Variants in DHRS12 observed in about 807,000 individuals in gnomAD.
DHRS12 encodes dehydrogenase/reductase SDR family member 12.
Under a neutral mutation model 32.1 loss-of-function variants are expected in DHRS12, and 29 were observed. The ratio of observed to expected loss-of-function variants is 0.90; its 90% CI spans 0.67 to 1.23. The LOEUF is 1.23. DHRS12 is among the 50% of genes most tolerant of loss of function. The pLI, the probability that DHRS12 is intolerant of heterozygous loss-of-function variation, is 0.00. For synonymous variants in DHRS12, 150 were observed against 135.9 expected (o/e 1.10, Z -0.72); for missense variants, 330 against 337.2 (o/e 0.98, Z 0.17).
chr13:51,800,792 G>C (rs2139440585), intron 1 of DHRS12, among the ~76,000 whole-genome samples: 1 of 152,352 alleles, frequency 6.6e-6, no homozygotes, highest in African/African-American at 2.4e-5. Context: ...ACTTGTTTCA[G>C]TCAAGCCAGA....
chr13:51,787,985 C>T (rs1005162968), intron 4 of DHRS12, among the ~76,000 whole-genome samples: 3 of 144,982 alleles, frequency 2.1e-5, no homozygotes. Context: ...ACTCGTGGCC[C>T]GGCCGCAGCG....
intron 4 of DHRS12, among the ~76,000 whole-genome samples, chr13:51,784,887 C>T (rs1954880871): frequency 6.6e-6 from 1 of 152,160 alleles, no homozygotes; most frequent in South Asian, 2.1e-4. Flanking sequence ...TTTCTCAATC[C>T]CCATAACTGG....
chr13:51,774,482 A>AT (rs5803575), intron 5 of DHRS12: 26 of 68,330 alleles, frequency 3.8e-4, no homozygotes, highest in Admixed American at 6.9e-4. Context: ...ATTCTCCTAC[A>AT]GTATTCTCCT....
At chr13:51,777,250 G>T in intron 4 of DHRS12, 129 bp from the exon 5 acceptor site, 1 of 907,778 alleles carries the variant, frequency 1.1e-6, no homozygotes. Flanking sequence ...CACCTGAGGG[G>T]CAGTCCCTCC....
intron 4 of DHRS12, among the ~76,000 whole-genome samples, chr13:51,777,852 T>C (rs1281019274): frequency 6.6e-6 from 1 of 152,254 alleles, no homozygotes; most frequent in East Asian, 1.9e-4. Flanking sequence ...ATTCTTCTTA[T>C]ACATGCCTGT....
At chr13:51,777,659 G>A (rs897247338) in intron 4 of DHRS12, among the ~76,000 whole-genome samples, 1 of 152,208 alleles carries the variant, frequency 6.6e-6, no homozygotes, top group Non-Finnish European at 1.5e-5. Context: ...TGAAGTGTAT[G>A]TGACATGGAA....
chr13:51,791,226 TC>T lies in DHRS12; in HGVS notation c.157del (p.Asp53IlefsTer21). On this transcript the variant is annotated frameshift_variant, in exon 3 of 9. Transcript: ENST00000444610. LOFTEE classifies it high-confidence loss of function. ...AACAAATTTCCAGATTTGCTTGGGA[TC>T]AGACAAGTCCACAATGTGCAGAAAA... The part of the protein sequence containing the change: ...NIFLHIVDLS[D>X]PKQIWKFVEN... 6.4e-7 allele frequency: 1 copy of T among 1,567,252 alleles called. No homozygotes were observed. The highest frequency in any genetic ancestry group is 1.2e-5 in the South Asian group (1 of 84,426).
chr13:51,772,010 G>A (rs1043073789), intron 6 of DHRS12, 99 bp from the exon 7 acceptor site: 86 of 1,134,126 alleles, frequency 7.6e-5, no homozygotes, highest in Non-Finnish European at 1.0e-4. Context: ...ATCTTACACT[G>A]GACTCTGCAG....
At chr13:51,758,298 A>G in the DHRS12 span, 1 of 1,585,468 alleles carries the variant, frequency 6.3e-7, no homozygotes. Flanking sequence ...CAAGGTTATT[A>G]AGGTAAGATG....
At chr13:51,766,266 T>TACTA (rs1203703823), downstream of DHRS12, 1 of 152,220 alleles carries the variant, frequency 6.6e-6, no homozygotes, top group African/African-American at 2.4e-5. Context: ...CAAAAACCGT[T>TACTA]ACTAACTGGA....
intron 2 of DHRS12, among the ~76,000 whole-genome samples, chr13:51,797,463 G>T (rs909827151): frequency 5.3e-5 from 8 of 152,158 alleles, no homozygotes; most frequent in African/African-American, 1.9e-4. Flanking sequence ...AGCACATCGG[G>T]TCAATGCATG....
rs532899610 is a variant in DHRS12, at chr13:51,771,522, G to A, written c.559+299C>T. The A allele has an allele frequency of 2.4e-4, 394 of 1,612,992 alleles. 5 individuals carry two copies. In the South Asian group the frequency reaches 3.9e-3, roughly 16 times the overall value. The stretch of plus-strand genomic sequence containing the variant: ...TGACGTGGAAATGACAATGGTCACC[G>A]GCTCCCTCTCTCACCAGGATATGCT... On this transcript the variant is annotated intron_variant, in intron 7 of 8. Coordinates refer to ENST00000444610, the MANE Select transcript of DHRS12 (RefSeq NM_001377533.1).
the DHRS12 span, chr13:51,762,021 T>A: frequency 6.6e-6 from 1 of 152,244 alleles, no homozygotes; most frequent in African/African-American, 2.4e-5. Flanking sequence ...GAATTAAATT[T>A]AAAATATTCA....
Position 51,788,481 on chromosome 13 carries a change from A to T in DHRS12, c.301+1530T>A, listed in dbSNP as rs889143877. Among the ~76,000 whole-genome samples, 9 of 152,072 alleles carry T rather than the reference A, an allele frequency of 5.9e-5. No individual in the cohort carries two copies. The South Asian group carries it at 8.3e-4, about 14-fold the overall frequency. On this transcript the variant is annotated intron_variant, in intron 4 of 8. Transcript: ENST00000444610. Reference sequence around the variant, plus strand: ...CTAGCCTTTCTTTCCTTGAGAAGAGAGTGCAATTAGGGTGAGTTCTTTCTC... The same window carrying T: ...CTAGCCTTTCTTTCCTTGAGAAGAGTGTGCAATTAGGGTGAGTTCTTTCTC...
rs76153182 is a variant in DHRS12, at chr13:51,789,896, C to T, written c.301+115G>A. Reference sequence around the variant, plus strand: ...CAATTCAGAATAAACTTAAAGCAAACGTCATCAGGCCCAGGACCAAGAACC... The same window carrying T: ...CAATTCAGAATAAACTTAAAGCAAATGTCATCAGGCCCAGGACCAAGAACC... On this transcript the variant is annotated intron_variant, in intron 4 of 8. Coordinates refer to ENST00000444610, the MANE Select transcript of DHRS12 (RefSeq NM_001377533.1). 4,648 of 1,364,390 alleles carry T rather than the reference C, an allele frequency of 3.4e-3. 131 individuals carry two copies. In the African/African-American group the frequency reaches 0.063, roughly 19 times the overall value. The allele number at this position is 1,364,390 out of a possible 1,614,324, so 84.5% of individuals were successfully genotyped here.
intron 6 of DHRS12, chr13:51,772,684 T>TC (rs35352347): frequency 1.0e-6 from 1 of 985,260 alleles, no homozygotes; most frequent in African/African-American, 1.7e-5. Flanking sequence ...CCTTAAATCC[T>TC]CCCCTTTCCC....
downstream of DHRS12, chr13:51,765,913 A>G (rs1471659387): frequency 6.6e-6 from 1 of 152,168 alleles, no homozygotes; most frequent in Non-Finnish European, 1.5e-5. Context: ...AAGTGTCAAG[A>G]ATTGCAGGTT....
At chr13:51,755,743 T>C in the DHRS12 span, among the ~76,000 whole-genome samples, 6 of 152,320 alleles carry the variant, frequency 3.9e-5, no homozygotes, top group South Asian at 1.2e-3. Flanking sequence ...TCATGCTTAG[T>C]TCGTATGGAA....
intron 4 of DHRS12, among the ~76,000 whole-genome samples, chr13:51,783,801 T>C (rs1954829903): frequency 6.6e-6 from 1 of 152,130 alleles, no homozygotes; most frequent in South Asian, 2.1e-4. Context: ...CATCTAAGAG[T>C]CACTCACATT....
Sources: gnomAD v4.1 joint callset for allele counts (sites outside exome capture counted in the v4.1 genomes callset) on GRCh38, gnomAD v4.1.1 for gene constraint, MANE v1.5 for transcripts, NCBI Gene and HGNC (gene_info 2026-07-23, HGNC 2026-07-21) for gene names.